The following MYOCD variants were observed in gnomAD, a reference collection of about 807,000 sequenced individuals.
MYOCD encodes myocardin.
A neutral mutation model predicts 96.1 loss-of-function variants in MYOCD; 32 were observed. The observed-to-expected ratio is 0.33, with a 90% CI of 0.25 to 0.45. The LOEUF (loss-of-function observed/expected upper bound fraction) is 0.45, where lower values mean the gene tolerates loss of function less well. MYOCD is among the 20% of genes least tolerant of loss of function. The pLI is 1.00. For missense variants in MYOCD, 1,133 were observed against 1,200.6 expected, an observed-to-expected ratio of 0.94 and a Z score of 0.83; for synonymous variants, 469 against 469.0, an observed-to-expected ratio of 1.00 and a Z score of 0.00.
chr17:12,686,655 T>C (rs1194394385), intron 1 of MYOCD, among the ~76,000 whole-genome samples: 1 of 152,024 alleles, frequency 6.6e-6, no homozygotes, highest in Non-Finnish European at 1.5e-5. Context: ...GCATCATGGG[T>C]CTGATGAAAT....
At chr17:12,666,731 A>C (rs1909398839) in intron 1 of MYOCD, among the ~76,000 whole-genome samples, 1 of 152,224 alleles carries the variant, frequency 6.6e-6, no homozygotes, top group East Asian at 1.9e-4. Flanking sequence ...GGAGCACACC[A>C]AGTATTTAAA....
intron 8 of MYOCD, 36 bp downstream of exon 8, chr17:12,744,472 A>G (rs2032606355): frequency 6.4e-7 from 1 of 1,566,828 alleles, no homozygotes; most frequent in African/African-American, 1.4e-5. Flanking sequence ...GGCTGTGGGC[A>G]GAGGTTGGGA....
intron 5 of MYOCD, among the ~76,000 whole-genome samples, chr17:12,734,813 T>G (rs543496390): frequency 4.5e-4 from 69 of 152,264 alleles, no homozygotes; most frequent in African/African-American, 1.5e-3. Context: ...CCAGCCACAT[T>G]AGGCATTTTT....
At chr17:12,674,312 G>T (rs1909884301) in intron 1 of MYOCD, among the ~76,000 whole-genome samples, 1 of 152,094 alleles carries the variant, frequency 6.6e-6, no homozygotes, top group Non-Finnish European at 1.5e-5. Flanking sequence ...CTCTTTCTGG[G>T]CTACAACTCC....
chr17:12,693,623 TAGAATAA>T lies in MYOCD; in HGVS notation c.56-11503_56-11497del, dbSNP rs1189022342. Among the ~76,000 whole-genome samples, 217 of 123,006 alleles carry T rather than the reference TAGAATAA, an allele frequency of 1.8e-3. No homozygotes were observed. The Middle Eastern group carries it at 0.023, about 13-fold the overall frequency. The allele number at this position is 123,006 out of a possible 152,430, so 80.7% of individuals were successfully genotyped here. A position where few individuals can be genotyped will look rare whatever the true frequency, so the allele number is the denominator to read the frequency against. ...AGACTCTGTCTCAAAAAAAATAAAA[TAGAATAA>T]AATAAAATAAAATAAAATAAAATAA... is the stretch of plus-strand genomic sequence containing the variant. On this transcript the variant is annotated intron_variant, in intron 1 of 13. Transcript: ENST00000425538.
rs74911271 is a variant in MYOCD at position 12,751,700 on chromosome 17, G to A, written c.1126-714G>A. On this transcript the variant is annotated intron_variant, in intron 9 of 13. Coordinates refer to ENST00000425538, the MANE Select transcript of MYOCD (RefSeq NM_001146312.3). ...TTTCCCAGAAGGGAAACTGAGGCAC[G>A]GAGTGATTGATCACTGAGTTAGTAA... is the stretch of plus-strand genomic sequence containing the variant. Among the ~76,000 whole-genome samples the A allele has an allele frequency of 3.3e-4, 50 of 152,286 alleles. No individual in the cohort carries two copies. In the East Asian group the frequency reaches 7.5e-3, roughly 23 times the overall value.
chr17:12,680,760 T>A (rs1407882176), intron 1 of MYOCD, among the ~76,000 whole-genome samples: 1 of 152,224 alleles, frequency 6.6e-6, no homozygotes, highest in Non-Finnish European at 1.5e-5. Context: ...TTGCCGAGTT[T>A]CTGTTCTGTA....
At position 12,763,435 on chromosome 17, in the gene MYOCD, C is replaced by A. The variant is rs895175793; in HGVS notation, c.2752C>A (p.Pro918Thr). ...PLSPMQTQFS[P>T]SSVDSNGLQL... ...CTCTCCAATGCAGACACAGTTTTCA[C>A]CCTCTTCTGTGGACAGCAATGGGCT... Residue 918 changes from proline to threonine, a missense_variant, in exon 14 of 14, where the codon CCC becomes ACC. By Grantham distance (38) the Pro-to-Thr change is conservative. Transcript: ENST00000425538. The A allele has an allele frequency of 1.2e-6, 2 of 1,613,314 alleles. No homozygotes were observed. The highest frequency in any genetic ancestry group is 2.7e-5 in the African/African-American group (2 of 75,026).
chr17:12,747,137 T>TG (rs1478637005), intron 9 of MYOCD, among the ~76,000 whole-genome samples: 1 of 152,030 alleles, frequency 6.6e-6, no homozygotes, highest in African/African-American at 2.4e-5. Context: ...ATTTAAAAAG[T>TG]GAAAATAAAA....
chr17:12,763,836 A>C lies in MYOCD; in HGVS notation c.*192A>C, dbSNP rs1373435919. The C allele has an allele frequency of 4.0e-6, 2 of 505,744 alleles. No homozygotes were observed. Among genetic ancestry groups the C allele is most frequent in the Non-Finnish European group, 6.8e-6 (2 of 294,684 alleles). 31.3% of individuals were successfully genotyped at this position (505,744 alleles called of 1,614,324 possible). On this transcript the variant is annotated 3_prime_UTR_variant, in exon 14 of 14. Transcript: ENST00000425538. ...TATACTGTAATATTTACCAACAGTCAGTAACTGTTAATGATTTCAACAATG... is the reference window on the plus strand; with the variant it reads ...TATACTGTAATATTTACCAACAGTCCGTAACTGTTAATGATTTCAACAATG...
At chr17:12,756,609 C>T (rs1234305241) in intron 11 of MYOCD, 52 bp downstream of exon 11, 1 of 1,470,564 alleles carries the variant, frequency 6.8e-7, no homozygotes, top group Non-Finnish European at 9.1e-7. Context: ...CCTCTTCTCT[C>T]TTCTGTAACC....
At chr17:12,759,782 A>G (rs558420350) in intron 12 of MYOCD, among the ~76,000 whole-genome samples, 2 of 152,274 alleles carry the variant, frequency 1.3e-5, no homozygotes, top group Non-Finnish European at 2.9e-5. Flanking sequence ...CTTGAGCCAC[A>G]TTGGAGCAAC....
chr17:12,687,327 A>G (rs2030176031), intron 1 of MYOCD, among the ~76,000 whole-genome samples: 2 of 152,108 alleles, frequency 1.3e-5, no homozygotes, highest in Non-Finnish European at 2.9e-5. Context: ...TATTATTTTG[A>G]TGTGTTGCTA....
chr17:12,738,450 C>T (rs73286306), intron 6 of MYOCD, among the ~76,000 whole-genome samples: 11,070 of 152,142 alleles, frequency 0.073, 884 homozygotes, highest in African/African-American at 0.19. Flanking sequence ...TGCATGCGCA[C>T]GCACACACAA....
intron 1 of MYOCD, among the ~76,000 whole-genome samples, chr17:12,694,048 G>A (rs1451808310): frequency 6.6e-6 from 1 of 152,192 alleles, no homozygotes; most frequent in Non-Finnish European, 1.5e-5. Flanking sequence ...AAAGGTGAAT[G>A]AAGAGAAAAC....
At chr17:12,754,574 G>T (rs1291932708) in intron 10 of MYOCD, among the ~76,000 whole-genome samples, 1 of 152,202 alleles carries the variant, frequency 6.6e-6, no homozygotes, top group Non-Finnish European at 1.5e-5. Context: ...ATCAGAAAAA[G>T]GGCCAGTGGC....
chr17:12,706,250 T>C (rs1268344356), intron 2 of MYOCD: 2 of 152,202 alleles, frequency 1.3e-5, no homozygotes, highest in African/African-American at 2.4e-5. Context: ...GTTAGAGGTT[T>C]GTGAAGTACA....
At chr17:12,743,655 G>T (rs1267209797) in intron 7 of MYOCD, among the ~76,000 whole-genome samples, 1 of 151,794 alleles carries the variant, frequency 6.6e-6, no homozygotes, top group Non-Finnish European at 1.5e-5. Flanking sequence ...ACCACACCTG[G>T]CTACTTTTTG....
chr17:12,712,969 G>T (rs2031526298), intron 2 of MYOCD, among the ~76,000 whole-genome samples: 1 of 152,124 alleles, frequency 6.6e-6, no homozygotes, highest in African/African-American at 2.4e-5. Context: ...TTCATGGGAG[G>T]TGGCTAAAAC....
Sources: allele counts gnomAD v4.1 joint callset (sites outside exome capture counted in the v4.1 genomes callset), GRCh38; gene constraint gnomAD v4.1.1; transcripts MANE v1.5; gene names NCBI Gene and HGNC (gene_info 2026-07-23, HGNC 2026-07-21).